Variants in AKAP13 observed in about 807,000 individuals in gnomAD.
The protein encoded by AKAP13 is A-kinase anchor protein 13.
AKAP13 carries 80 observed loss-of-function variants against 264.5 expected under a neutral mutation model. The observed-to-expected ratio is 0.30, with a 90% CI of 0.25 to 0.36. The LOEUF (loss-of-function observed/expected upper bound fraction) is 0.36, where lower values mean the gene tolerates loss of function less well. Ranked by LOEUF, AKAP13 falls within the 10% of genes least tolerant of loss-of-function variation. The probability of loss-of-function intolerance (pLI) is 1.00; values close to 1 mark genes in which losing one functional copy is unlikely to be tolerated. For missense variants in AKAP13, 3,712 were observed against 3,435.2 expected, an observed-to-expected ratio of 1.08 and a Z score of -2.01; for synonymous variants, 1,380 against 1,250.2, an observed-to-expected ratio of 1.10 and a Z score of -2.19.
rs1174345522 is a variant in AKAP13, at chr15:85,578,083, G to A, written c.862-847G>A. Reference sequence around the variant, plus strand: ...GGATCCCATAGGCTCAGGTGTTGGAGAACAGCCTGGGCAACATAGTGAGAC... The same window carrying A: ...GGATCCCATAGGCTCAGGTGTTGGAAAACAGCCTGGGCAACATAGTGAGAC... On this transcript the variant is annotated intron_variant, in intron 6 of 36. Transcript: ENST00000394518. Among the ~76,000 whole-genome samples, 6 of 152,300 alleles carry A rather than the reference G, an allele frequency of 3.9e-5. No individual in the cohort carries two copies. The East Asian group carries it at 1.2e-3, about 29-fold the overall frequency.
chr15:85,385,941 T>G (rs1337995886), intron 1 of AKAP13, among the ~76,000 whole-genome samples: 2 of 152,194 alleles, frequency 1.3e-5, no homozygotes. Context: ...TTCTCCTGCC[T>G]TAACCTCCCG....
intron 2 of AKAP13, among the ~76,000 whole-genome samples, chr15:85,502,365 C>T (rs569360646): frequency 7.9e-5 from 12 of 152,174 alleles, no homozygotes; most frequent in African/African-American, 7.2e-5. Flanking sequence ...ACTTACTAAA[C>T]ATCAGTTACT....
intron 14 of AKAP13, among the ~76,000 whole-genome samples, chr15:85,674,320 A>G (rs2084096950): frequency 6.6e-6 from 1 of 152,236 alleles, no homozygotes; most frequent in Non-Finnish European, 1.5e-5. Flanking sequence ...ATTATGTAAC[A>G]TATTATATAA....
intron 1 of AKAP13, among the ~76,000 whole-genome samples, chr15:85,434,034 G>C (rs1214527866): frequency 2.6e-5 from 4 of 152,030 alleles, no homozygotes; most frequent in East Asian, 3.9e-4. Flanking sequence ...CGCAGAAGAC[G>C]GGTGATTTCT....
Position 85,740,835 on chromosome 15 carries a change from A to C in AKAP13, c.7609-211A>C, listed in dbSNP as rs112224931. ...CAAACAGCATGCAACCAGATTGACA[A>C]AAACCCGTGAGTTCCTGCACCTTTG... On this transcript the variant is annotated intron_variant, in intron 34 of 36. Transcript: ENST00000394518. 3.0e-3 allele frequency among the ~76,000 whole-genome samples: 427 copies of C among 143,692 alleles called. 4 individuals carry two copies. The highest frequency in any genetic ancestry group is 0.011 in the African/African-American group (420 of 38,796). 94.3% of individuals were successfully genotyped at this position (143,692 alleles called of 152,430 possible). A position where few individuals can be genotyped will look rare whatever the true frequency, so the allele number is the denominator to read the frequency against.
intron 10 of AKAP13, chr15:85,651,458 G>A (rs994321943): frequency 3.9e-5 from 6 of 152,024 alleles, no homozygotes; most frequent in East Asian, 1.9e-4. Flanking sequence ...TGGGTTTTTC[G>A]GTGAAGTTTA....
At chr15:85,715,081 C>A (rs889751085) in intron 19 of AKAP13, among the ~76,000 whole-genome samples, 2 of 152,160 alleles carry the variant, frequency 1.3e-5, no homozygotes, top group South Asian at 2.1e-4. Context: ...AACCACTCTT[C>A]TTAGTTTTTT....
chr15:85,671,702 A>G (rs758795394), intron 14 of AKAP13, among the ~76,000 whole-genome samples: 29 of 151,692 alleles, frequency 1.9e-4, no homozygotes, highest in Admixed American at 3.3e-4. Context: ...GGAAAGTACA[A>G]TTGAATAGTT....
chr15:85,588,289 A>G (rs1338439888), intron 8 of AKAP13, among the ~76,000 whole-genome samples: 1 of 152,186 alleles, frequency 6.6e-6, no homozygotes, highest in Non-Finnish European at 1.5e-5. Flanking sequence ...TATTACACAT[A>G]ATATTCATGA....
chr15:85,464,250 G>C (rs1440297013), intron 1 of AKAP13, among the ~76,000 whole-genome samples: 4 of 152,148 alleles, frequency 2.6e-5, no homozygotes, highest in East Asian at 1.9e-4. Context: ...GTGTGCTCTA[G>C]TATGTGTTAA....
intron 8 of AKAP13, among the ~76,000 whole-genome samples, chr15:85,615,990 T>C (rs2080918626): frequency 6.6e-6 from 1 of 152,210 alleles, no homozygotes; most frequent in South Asian, 2.1e-4. Context: ...GATTTTCACT[T>C]AGTACCTTGT....
At chr15:85,454,754 T>C (rs1036599589) in intron 1 of AKAP13, among the ~76,000 whole-genome samples, 6 of 152,218 alleles carry the variant, frequency 3.9e-5, no homozygotes, top group Non-Finnish European at 7.4e-5. Flanking sequence ...GTCACTGTGA[T>C]CAATTTTGAA....
In AKAP13 at chr15:85,746,829, T is replaced by C. The variant is rs3743327; in HGVS notation, c.*2152T>C. 0.11 allele frequency: 16,587 copies of C among 152,194 alleles called. 1,053 individuals are homozygous for C. The highest frequency in any genetic ancestry group is 0.2 in the East Asian group (1,032 of 5,140). The allele number at this position is 152,194 out of a possible 1,614,324, so 9.4% of individuals were successfully genotyped here. Reference sequence around the variant, plus strand: ...AGTACTGAACCTGCATTCTTCTCCTTGTAAATGTAGGCCGGGTGCCCCTGT... The same window carrying C: ...AGTACTGAACCTGCATTCTTCTCCTCGTAAATGTAGGCCGGGTGCCCCTGT... On this transcript the variant is annotated 3_prime_UTR_variant, in exon 37 of 37. Transcript: ENST00000394518.
chr15:85,421,452 G>A (rs1229038795), intron 1 of AKAP13, among the ~76,000 whole-genome samples: 2 of 152,232 alleles, frequency 1.3e-5, no homozygotes, highest in African/African-American at 4.8e-5. Flanking sequence ...GCTTGAATTA[G>A]AGCACAGGAA....
chr15:85,468,588 C>T (rs1291696714), intron 1 of AKAP13, among the ~76,000 whole-genome samples: 1 of 152,208 alleles, frequency 6.6e-6, no homozygotes, highest in East Asian at 1.9e-4. Flanking sequence ...TCTGTTGTAT[C>T]ACTTTCAGAT....
chr15:85,413,486 G>A (rs181043810), intron 1 of AKAP13, among the ~76,000 whole-genome samples: 1 of 152,330 alleles, frequency 6.6e-6, no homozygotes, highest in Admixed American at 6.5e-5. Context: ...TTCCCATTGG[G>A]AGACAAGGAA....
At chr15:85,545,029 C>T (rs934607675) in intron 5 of AKAP13, among the ~76,000 whole-genome samples, 1 of 152,224 alleles carries the variant, frequency 6.6e-6, no homozygotes, top group African/African-American at 2.4e-5. Context: ...ATACCTTTCC[C>T]CATCACGCTA....
chr15:85,631,722 G>A (rs914135831), intron 8 of AKAP13, among the ~76,000 whole-genome samples: 1 of 152,162 alleles, frequency 6.6e-6, no homozygotes, highest in Non-Finnish European at 1.5e-5. Flanking sequence ...TAACGTTGGA[G>A]AAACCAGTGA....
At chr15:85,564,634 C>T (rs952454481) in intron 5 of AKAP13, among the ~76,000 whole-genome samples, 7 of 152,126 alleles carry the variant, frequency 4.6e-5, no homozygotes. Context: ...TCTCCTTTGC[C>T]ACCTGTGCCT....
Sources: gnomAD v4.1 joint callset for allele counts (sites outside exome capture counted in the v4.1 genomes callset) on GRCh38, gnomAD v4.1.1 for gene constraint, MANE v1.5 for transcripts, NCBI Gene and HGNC (gene_info 2026-07-23, HGNC 2026-07-21) for gene names.